Variants in RFX4 observed in about 807,000 individuals in gnomAD.
The protein encoded by RFX4 is regulatory factor X4.
Under a neutral mutation model 95.0 loss-of-function variants are expected in RFX4, and 10 were observed. The observed-to-expected ratio is 0.11, with a 90% CI of 0.06 to 0.18. RFX4 has a LOEUF of 0.18. Ranked by LOEUF, RFX4 falls within the 10% of genes least tolerant of loss-of-function variation. The pLI is 1.00. For missense variants in RFX4, 640 were observed against 922.0 expected (o/e 0.69, Z 3.96); for synonymous variants, 321 against 340.7 (o/e 0.94, Z 0.64).
At chr12:106,644,216 T>G (rs1019696778) in intron 3 of RFX4, among the ~76,000 whole-genome samples, 1 of 151,564 alleles carries the variant, frequency 6.6e-6, no homozygotes, top group African/African-American at 2.4e-5. Flanking sequence ...GCAGAATTAA[T>G]GTTGCCATTT....
At chr12:106,597,949 C>T (rs529454244) in intron 1 of RFX4, among the ~76,000 whole-genome samples, 4 of 152,286 alleles carry the variant, frequency 2.6e-5, no homozygotes, top group East Asian at 1.9e-4. Context: ...ATTGGGATTA[C>T]GGTTTTTCTG....
At chr12:106,730,595 G>C (rs1433890784) in intron 13 of RFX4, among the ~76,000 whole-genome samples, 1 of 152,092 alleles carries the variant, frequency 6.6e-6, no homozygotes, top group Non-Finnish European at 1.5e-5. Context: ...AGAGTTTTTG[G>C]TACAGAGTAA....
At chr12:106,594,782 T>G (rs1162717505) in intron 1 of RFX4, among the ~76,000 whole-genome samples, 1 of 149,398 alleles carries the variant, frequency 6.7e-6, no homozygotes, top group Non-Finnish European at 1.5e-5. Context: ...CTCAAAGTTT[T>G]TCTTGGTATT....
At position 106,716,711 on chromosome 12, in the gene RFX4, C is replaced by T. The variant is rs2042299918; in HGVS notation, c.1138+1167C>T. 2.0e-5 allele frequency among the ~76,000 whole-genome samples: 3 copies of T among 152,126 alleles called. No homozygotes were observed. In the South Asian group the frequency reaches 6.2e-4, roughly 32 times the overall value. On this transcript the variant is annotated intron_variant, in intron 11 of 17. Transcript: ENST00000392842. Reference sequence around the variant, plus strand: ...CCCTGGTAAGAATTTTAGAGATCATCACTAAAATAATAATTCAGCTTATTG... The same window carrying T: ...CCCTGGTAAGAATTTTAGAGATCATTACTAAAATAATAATTCAGCTTATTG...
chr12:106,614,057 G>A lies in RFX4; in HGVS notation c.130+5174G>A, dbSNP rs147039290. On this transcript the variant is annotated intron_variant, in intron 2 of 17. Coordinates refer to ENST00000392842, the MANE Select transcript of RFX4 (RefSeq NM_213594.3). Reference sequence around the variant, plus strand: ...CTTCTAATATTAGCTATTTTCATGGGTGAATAGCATATGTCATTTTGGTTG... The same window carrying A: ...CTTCTAATATTAGCTATTTTCATGGATGAATAGCATATGTCATTTTGGTTG... Among the ~76,000 whole-genome samples, 23 of 152,204 alleles carry A rather than the reference G, an allele frequency of 1.5e-4. 1 individual carries two copies. The East Asian group carries it at 4.2e-3, about 28-fold the overall frequency.
At chr12:106,717,344 C>T (rs150675717) in intron 11 of RFX4, among the ~76,000 whole-genome samples, 90 of 152,268 alleles carry the variant, frequency 5.9e-4, no homozygotes, top group African/African-American at 1.7e-3. Flanking sequence ...TCATGAGGGA[C>T]GAAAATGTGA....
chr12:106,746,053 CCT>C (rs1045679036), intron 15 of RFX4, among the ~76,000 whole-genome samples: 3 of 151,788 alleles, frequency 2.0e-5, no homozygotes, highest in African/African-American at 4.8e-5. Context: ...ATAGTGAGAC[CCT>C]GTGTCTATAA....
At chr12:106,657,589 CCTG>C (rs1227327517) in intron 4 of RFX4, among the ~76,000 whole-genome samples, 8 of 152,148 alleles carry the variant, frequency 5.3e-5, no homozygotes, top group Non-Finnish European at 8.8e-5. Context: ...TGGTCTTGTG[CCTG>C]CTTTCGCTGT....
intron 2 of RFX4, among the ~76,000 whole-genome samples, chr12:106,615,769 C>T (rs2137223072): frequency 6.6e-6 from 1 of 152,164 alleles, no homozygotes; most frequent in East Asian, 1.9e-4. Context: ...TAAAGTTTTT[C>T]CTAATTGTTA....
intron 4 of RFX4, among the ~76,000 whole-genome samples, chr12:106,678,904 C>T (rs1269468409): frequency 6.6e-6 from 1 of 152,166 alleles, no homozygotes. Context: ...TATCATTAGA[C>T]ATTTATGCTG....
intron 1 of RFX4, among the ~76,000 whole-genome samples, chr12:106,602,983 C>G (rs945512981): frequency 6.6e-6 from 1 of 152,202 alleles, no homozygotes; most frequent in Non-Finnish European, 1.5e-5. Flanking sequence ...ACTTTTAGGT[C>G]TTGAGACGCT....
intron 10 of RFX4, among the ~76,000 whole-genome samples, chr12:106,714,673 C>T (rs1410773798): frequency 6.6e-6 from 1 of 151,648 alleles, no homozygotes; most frequent in Non-Finnish European, 1.5e-5. Flanking sequence ...AGTATTGTTC[C>T]AACTTGCAAA....
At chr12:106,681,962 A>G (rs761930747) in intron 4 of RFX4, 31 bp from the exon 5 acceptor site, 49 of 1,613,140 alleles carry the variant, frequency 3.0e-5, no homozygotes, top group Non-Finnish European at 3.5e-5. Flanking sequence ...ACTCTTCCCA[A>G]TGGGTAACTG....
At chr12:106,697,032 A>AAGT (rs1168973499) in intron 8 of RFX4, among the ~76,000 whole-genome samples, 2 of 152,082 alleles carry the variant, frequency 1.3e-5, no homozygotes, top group Non-Finnish European at 2.9e-5. Flanking sequence ...GAGGAGAGTG[A>AAGT]AGTCAGGAGA....
At chr12:106,643,968 T>C (rs1592888760) in intron 3 of RFX4, among the ~76,000 whole-genome samples, 1 of 152,006 alleles carries the variant, frequency 6.6e-6, no homozygotes, top group Admixed American at 6.5e-5. Context: ...CCCTTCCCTA[T>C]GAATTTGCAC....
intron 13 of RFX4, among the ~76,000 whole-genome samples, chr12:106,726,333 G>T (rs2042497133): frequency 6.6e-6 from 1 of 151,790 alleles, no homozygotes; most frequent in Non-Finnish European, 1.5e-5. Context: ...TCCTGGCCCA[G>T]CCTAGGATGT....
At chr12:106,642,204 T>C (rs1335668607) in intron 3 of RFX4, among the ~76,000 whole-genome samples, 2 of 151,912 alleles carry the variant, frequency 1.3e-5, no homozygotes, top group African/African-American at 4.8e-5. Flanking sequence ...GAGACAGGGT[T>C]TCTCCGTGTT....
intron 2 of RFX4, among the ~76,000 whole-genome samples, chr12:106,636,844 C>A (rs1441061412): frequency 6.6e-6 from 1 of 152,130 alleles, no homozygotes; most frequent in Non-Finnish European, 1.5e-5. Flanking sequence ...ACAATCAGAG[C>A]CCCCAGGCTT....
At chr12:106,698,220 C>T (rs956725269) in intron 8 of RFX4, among the ~76,000 whole-genome samples, 14 of 152,026 alleles carry the variant, frequency 9.2e-5, no homozygotes, top group Admixed American at 5.9e-4. Flanking sequence ...GCGATCCAAC[C>T]GCCTCAGCCT....
Sources: allele counts gnomAD v4.1 joint callset (sites outside exome capture counted in the v4.1 genomes callset), GRCh38; gene constraint gnomAD v4.1.1; transcripts MANE v1.5; gene names NCBI Gene and HGNC (gene_info 2026-07-23, HGNC 2026-07-21).